The following PCDH11X variants were observed in gnomAD, a reference collection of about 807,000 sequenced individuals.
The protein encoded by PCDH11X is protocadherin 11 X-linked.
PCDH11X carries 18 observed loss-of-function variants against 53.3 expected under a neutral mutation model. The observed-to-expected ratio is 0.34, with a 90% CI of 0.23 to 0.50. The LOEUF (loss-of-function observed/expected upper bound fraction) is 0.50. Ranked by LOEUF, PCDH11X falls within the 20% of genes least tolerant of loss-of-function variation. PCDH11X has a pLI of 0.98. For synonymous variants in PCDH11X, 279 were observed against 393.3 expected, an observed-to-expected ratio of 0.71 and a Z score of 3.44; for missense variants, 570 against 1,032.4, an observed-to-expected ratio of 0.55 and a Z score of 6.14.
intron 8 of PCDH11X, among the ~76,000 whole-genome samples, chrX:92,266,738 A>C (rs1038951574): frequency 9.9e-5 from 10 of 101,110 alleles, no homozygotes; most frequent in African/African-American, 1.9e-4. Flanking sequence ...AGCAGTACTT[A>C]TTTTCTTTTT....
chrX:92,131,693 A>C (rs2064974463), intron 6 of PCDH11X, among the ~76,000 whole-genome samples: 1 of 111,384 alleles, frequency 9.0e-6, no homozygotes, highest in Non-Finnish European at 1.9e-5. Flanking sequence ...TGAGTTCTGA[A>C]GATCTTCCTC....
At chrX:92,311,168 T>C (rs1439862150) in intron 8 of PCDH11X, among the ~76,000 whole-genome samples, 1 of 110,136 alleles carries the variant, frequency 9.1e-6, no homozygotes, top group East Asian at 2.9e-4. Flanking sequence ...ATTTATAAAG[T>C]AGGAAATAAT....
chrX:92,454,314 T>C (rs973973603), intron 9 of PCDH11X, among the ~76,000 whole-genome samples: 7 of 108,523 alleles, frequency 6.5e-5, no homozygotes, highest in Non-Finnish European at 9.6e-5. Flanking sequence ...TACACAAACA[T>C]ATAAAATAAG....
At chrX:91,973,066 A>G (rs1224756528) in intron 6 of PCDH11X, among the ~76,000 whole-genome samples, 2 of 110,213 alleles carry the variant, frequency 1.8e-5, no homozygotes, top group Non-Finnish European at 3.8e-5. Flanking sequence ...AGACTGGATT[A>G]AGAAAATGTG....
intron 6 of PCDH11X, among the ~76,000 whole-genome samples, chrX:92,115,376 TC>T (rs764307424): frequency 3.6e-5 from 4 of 110,387 alleles, no homozygotes; most frequent in Non-Finnish European, 7.5e-5. Context: ...TCTTCTAGTT[TC>T]AAGCAGAAAG....
intron 8 of PCDH11X, among the ~76,000 whole-genome samples, chrX:92,307,264 T>C (rs754851418): frequency 9.1e-6 from 1 of 109,638 alleles, no homozygotes; most frequent in South Asian, 3.9e-4. Context: ...TTATATACCA[T>C]GACCCAGTGA....
intron 10 of PCDH11X, among the ~76,000 whole-genome samples, chrX:92,593,210 T>C (rs1290197901): frequency 9.0e-6 from 1 of 111,133 alleles, no homozygotes; most frequent in East Asian, 2.8e-4. Context: ...CTATGACTTT[T>C]AATAATTGTT....
chrX:92,263,083 C>T (rs1443874542), intron 7 of PCDH11X, 31 bp from the exon 8 acceptor site: 42 of 1,163,896 alleles, frequency 3.6e-5, no homozygotes, highest in Non-Finnish European at 4.7e-5. Flanking sequence ...TTTTCCTTTG[C>T]TTCCCTTGCC....
At chrX:92,284,444 C>A in intron 8 of PCDH11X, among the ~76,000 whole-genome samples, 1 of 111,934 alleles carries the variant, frequency 8.9e-6, no homozygotes, top group East Asian at 2.8e-4. Flanking sequence ...TGTGTTTATA[C>A]CTGCTGTAAA....
At chrX:91,893,125 G>T (rs1330884220) in intron 6 of PCDH11X, among the ~76,000 whole-genome samples, 5 of 109,393 alleles carry the variant, frequency 4.6e-5, no homozygotes, top group Non-Finnish European at 9.5e-5. Context: ...AAATGACTAG[G>T]TCATATAACC....
chrX:92,327,332 A>C (rs1018478527), intron 8 of PCDH11X, among the ~76,000 whole-genome samples: 1 of 95,628 alleles, frequency 1.0e-5, no homozygotes. Context: ...GCTTTAAAAA[A>C]AAAAAAAGCT....
intron 7 of PCDH11X, among the ~76,000 whole-genome samples, chrX:92,236,468 C>A (rs899619113): frequency 9.0e-6 from 1 of 111,505 alleles, no homozygotes; most frequent in Non-Finnish European, 1.9e-5. Flanking sequence ...TAACCAATTC[C>A]TCTTATGACT....
intron 6 of PCDH11X, among the ~76,000 whole-genome samples, chrX:92,151,348 G>A (rs1182383425): frequency 2.4e-4 from 26 of 109,099 alleles, no homozygotes; most frequent in Non-Finnish European, 4.0e-4. Flanking sequence ...GCCCGCCACC[G>A]TGCCTGGCTA....
At chrX:91,947,798 G>A (rs1408614067) in intron 6 of PCDH11X, among the ~76,000 whole-genome samples, 1 of 103,232 alleles carries the variant, frequency 9.7e-6, no homozygotes, top group Admixed American at 1.1e-4. Flanking sequence ...CTTTAAGTAC[G>A]TACACACTTC....
At chrX:91,785,514 T>C (rs1935307578) in intron 1 of PCDH11X, among the ~76,000 whole-genome samples, 1 of 112,088 alleles carries the variant, frequency 8.9e-6, no homozygotes, top group African/African-American at 3.2e-5. Context: ...TCGCTGGGAA[T>C]TGGGAAGGGA....
intron 6 of PCDH11X, among the ~76,000 whole-genome samples, chrX:92,077,174 T>C (rs1236110471): frequency 9.0e-6 from 1 of 111,412 alleles, no homozygotes; most frequent in Non-Finnish European, 1.9e-5. Context: ...TATACTAACT[T>C]TGAGGACAAA....
At chrX:91,814,794 TA>T (rs1163461296) in intron 4 of PCDH11X, among the ~76,000 whole-genome samples, 1 of 92,583 alleles carries the variant, frequency 1.1e-5, no homozygotes. Context: ...ACAGAATGAC[TA>T]AATGACTTGT....
intron 6 of PCDH11X, among the ~76,000 whole-genome samples, chrX:91,942,821 A>G (rs184501927): frequency 2.7e-5 from 3 of 111,279 alleles, no homozygotes; most frequent in Non-Finnish European, 5.7e-5. Context: ...TCTAAACAAA[A>G]TTATATCAGT....
rs1486886508 is a variant in PCDH11X at position 91,779,485 on chromosome X, A to G, written c.-578A>G. 1 of 97,711 alleles carries G rather than the reference A, an allele frequency of 1.0e-5. No individual in the cohort carries two copies. The highest frequency in any genetic ancestry group is 5.5e-4 in the South Asian group (1 of 1,815). 8.1% of individuals were successfully genotyped at this position (97,711 alleles called of 1,213,427 possible). On this transcript the variant is annotated 5_prime_UTR_variant, in exon 1 of 11. Transcript: ENST00000682573. ...ACAGAGTGCGCAGAGTGGCAGTGCC[A>G]GCGGCGACACAGGCAGCACAGGCAG... is the stretch of plus-strand genomic sequence containing the variant.
Sources: gnomAD v4.1 joint callset for allele counts (sites outside exome capture counted in the v4.1 genomes callset) on GRCh38, gnomAD v4.1.1 for gene constraint, MANE v1.5 for transcripts, NCBI Gene and HGNC (gene_info 2026-07-23, HGNC 2026-07-21) for gene names.